CNTNAP2: variants seen among roughly 807,000 people sequenced by gnomAD.
CNTNAP2 encodes contactin associated protein 2, also known as contactin-associated protein-like 2.
A neutral mutation model predicts 155.2 loss-of-function variants in CNTNAP2; 98 were observed. That is an observed-to-expected ratio of 0.63 (90% confidence interval 0.54 to 0.75). CNTNAP2 has a LOEUF of 0.75. Ranked by LOEUF, CNTNAP2 falls within the 30% of genes least tolerant of loss-of-function variation. The probability of loss-of-function intolerance (pLI) is 0.00; values close to 1 mark genes in which losing one functional copy is unlikely to be tolerated. For missense variants in CNTNAP2, 1,727 were observed against 1,688.1 expected (o/e 1.02, Z -0.40); for synonymous variants, 651 against 631.2 (o/e 1.03, Z -0.47).
intron 15 of CNTNAP2, among the ~76,000 whole-genome samples, chr7:148,094,309 T>C (rs1176772106): frequency 6.6e-6 from 1 of 152,244 alleles, no homozygotes; most frequent in Non-Finnish European, 1.5e-5. Flanking sequence ...ATGACACATA[T>C]TAAACATAGA....
At chr7:147,456,864 A>G (rs1344639340) in intron 10 of CNTNAP2, among the ~76,000 whole-genome samples, 1 of 152,188 alleles carries the variant, frequency 6.6e-6, no homozygotes, top group Non-Finnish European at 1.5e-5. Flanking sequence ...AAGTAAATCA[A>G]TTAAGGCAGG....
At chr7:148,108,628 A>G (rs569766052) in intron 15 of CNTNAP2, among the ~76,000 whole-genome samples, 4 of 124,844 alleles carry the variant, frequency 3.2e-5, no homozygotes, top group Non-Finnish European at 6.3e-5. Context: ...GCTCTCATGC[A>G]TGAGTGGAAT....
At chr7:147,221,960 T>C (rs1361042028) in intron 8 of CNTNAP2, among the ~76,000 whole-genome samples, 2 of 152,224 alleles carry the variant, frequency 1.3e-5, no homozygotes, top group Admixed American at 6.5e-5. Context: ...GTAATTTTTG[T>C]TGTTGCTGTT....
intron 17 of CNTNAP2, among the ~76,000 whole-genome samples, chr7:148,159,879 T>C (rs1056085868): frequency 1.3e-5 from 2 of 152,230 alleles, no homozygotes; most frequent in Non-Finnish European, 2.9e-5. Context: ...TGTACCAGTA[T>C]ATAATTTCCA....
At chr7:147,255,800 A>T (rs1804310960) in intron 8 of CNTNAP2, among the ~76,000 whole-genome samples, 1 of 152,086 alleles carries the variant, frequency 6.6e-6, no homozygotes, top group Non-Finnish European at 1.5e-5. Context: ...ACAGTAGTGC[A>T]ATCTCCAGCT....
At chr7:147,081,807 T>C (rs1239586522) in intron 4 of CNTNAP2, 1 of 152,172 alleles carries the variant, frequency 6.6e-6, no homozygotes, top group African/African-American at 2.4e-5. Context: ...AACAGGAATG[T>C]CACTTTCAGT....
chr7:147,340,642 C>A (rs972830850), intron 9 of CNTNAP2, among the ~76,000 whole-genome samples: 1 of 151,990 alleles, frequency 6.6e-6, no homozygotes, highest in Non-Finnish European at 1.5e-5. Context: ...TCTTATATGT[C>A]CTAAAAACAC....
chr7:148,119,389 G>A (rs758304948), intron 16 of CNTNAP2, among the ~76,000 whole-genome samples: 2 of 151,768 alleles, frequency 1.3e-5, no homozygotes, highest in African/African-American at 2.4e-5. Flanking sequence ...AATTAGCCAG[G>A]TGTGGTGGCG....
At chr7:147,841,092 T>G (rs894536013) in intron 13 of CNTNAP2, among the ~76,000 whole-genome samples, 15 of 152,172 alleles carry the variant, frequency 9.9e-5, no homozygotes, top group African/African-American at 3.4e-4. Context: ...AAAACTGTAG[T>G]AAATTTTCAC....
At chr7:148,064,484 G>A (rs572991603) in intron 15 of CNTNAP2, among the ~76,000 whole-genome samples, 52 of 151,920 alleles carry the variant, frequency 3.4e-4, no homozygotes, top group African/African-American at 7.5e-4. Context: ...AACTGTTGCC[G>A]TTCACTAAGG....
chr7:147,542,297 G>A (rs1412408760), intron 11 of CNTNAP2, among the ~76,000 whole-genome samples: 1 of 111,122 alleles, frequency 9.0e-6, no homozygotes, highest in Non-Finnish European at 2.0e-5. Context: ...GGATTGTTCA[G>A]TGGTAAAAAA....
At chr7:146,908,193 T>C (rs1415589268) in intron 3 of CNTNAP2, among the ~76,000 whole-genome samples, 1 of 151,966 alleles carries the variant, frequency 6.6e-6, no homozygotes, top group Admixed American at 6.6e-5. Flanking sequence ...CTCCCAAACA[T>C]TAATAATGGG....
At chr7:146,465,952 G>A (rs907488155) in intron 1 of CNTNAP2, among the ~76,000 whole-genome samples, 4 of 152,166 alleles carry the variant, frequency 2.6e-5, no homozygotes, top group East Asian at 1.9e-4. Context: ...TTGTTGAGTC[G>A]CTTATTGACT....
intron 18 of CNTNAP2, among the ~76,000 whole-genome samples, chr7:148,179,043 G>A (rs1203773519): frequency 6.6e-6 from 1 of 152,204 alleles, no homozygotes; most frequent in East Asian, 1.9e-4. Flanking sequence ...GAAGGGCTGA[G>A]AAGTATGCAG....
chr7:148,253,472 GT>G (rs971490150), intron 20 of CNTNAP2, among the ~76,000 whole-genome samples: 18 of 152,130 alleles, frequency 1.2e-4, no homozygotes, highest in Non-Finnish European at 2.1e-4. Context: ...TTCATGTCAT[GT>G]TTTCCAAACA....
chr7:146,259,240 C>A (rs151035871), intron 1 of CNTNAP2, among the ~76,000 whole-genome samples: 18 of 152,246 alleles, frequency 1.2e-4, no homozygotes, highest in Admixed American at 9.8e-4. Context: ...CAGGTAGTAT[C>A]TTTATAGCAG....
At chr7:148,129,911 G>A (rs1026368308) in intron 16 of CNTNAP2, among the ~76,000 whole-genome samples, 1 of 152,178 alleles carries the variant, frequency 6.6e-6, no homozygotes, top group African/African-American at 2.4e-5. Context: ...AGGATGATGG[G>A]GGGAGGGATG....
intron 13 of CNTNAP2, among the ~76,000 whole-genome samples, chr7:147,779,039 C>T (rs1332912586): frequency 2.0e-5 from 3 of 152,158 alleles, no homozygotes; most frequent in Non-Finnish European, 4.4e-5. Context: ...ATGAGAAATA[C>T]ACAAATTACT....
intron 10 of CNTNAP2, among the ~76,000 whole-genome samples, chr7:147,475,884 T>C (rs1163748292): frequency 6.6e-6 from 1 of 152,200 alleles, no homozygotes; most frequent in African/African-American, 2.4e-5. Flanking sequence ...CTTTCTCCAC[T>C]GACTTAACAC....
Sources: gnomAD v4.1 joint callset for allele counts (sites outside exome capture counted in the v4.1 genomes callset) on GRCh38, gnomAD v4.1.1 for gene constraint, MANE v1.5 for transcripts, NCBI Gene and HGNC (gene_info 2026-07-23, HGNC 2026-07-21) for gene names.